CACNA1C: variants seen among roughly 807,000 people sequenced by gnomAD.
The protein encoded by CACNA1C is voltage-dependent L-type calcium channel subunit alpha-1C.
CACNA1C carries 30 observed loss-of-function variants against 229.0 expected under a neutral mutation model. That is an observed-to-expected ratio of 0.13 (90% CI 0.10 to 0.18). CACNA1C has a LOEUF of 0.18. CACNA1C is among the 10% of genes least tolerant of loss of function. The pLI is 1.00. For synonymous variants in CACNA1C, 1,114 were observed against 1,132.5 expected (o/e 0.98, Z 0.33); for missense variants, 1,658 against 2,845.0 (o/e 0.58, Z 9.49).
At chr12:2,358,189 G>T (rs889176893) in intron 3 of CACNA1C, among the ~76,000 whole-genome samples, 1 of 151,592 alleles carries the variant, frequency 6.6e-6, no homozygotes, top group Non-Finnish European at 1.5e-5. Context: ...GCCGTTCTCC[G>T]GGAGGGTGTG....
intron 3 of CACNA1C, among the ~76,000 whole-genome samples, chr12:2,308,310 C>T (rs1227804717): frequency 6.6e-6 from 1 of 152,086 alleles, no homozygotes; most frequent in African/African-American, 2.4e-5. Context: ...ATATTAACCC[C>T]TTATCAGATA....
At chr12:2,154,405 T>C (rs1386483373) in intron 3 of CACNA1C, among the ~76,000 whole-genome samples, 2 of 152,216 alleles carry the variant, frequency 1.3e-5, no homozygotes, top group Non-Finnish European at 2.9e-5. Flanking sequence ...ACACACGGAA[T>C]CTTCCTGCTC....
chr12:2,116,956 A>G (rs979993976), intron 2 of CACNA1C, among the ~76,000 whole-genome samples: 11 of 152,352 alleles, frequency 7.2e-5, no homozygotes, highest in South Asian at 4.1e-4. Flanking sequence ...GAAAGTTTCT[A>G]TTGAGACAGA....
At chr12:2,085,054 G>A (rs191008255) in intron 1 of CACNA1C, among the ~76,000 whole-genome samples, 348 of 152,260 alleles carry the variant, frequency 2.3e-3, no homozygotes, top group African/African-American at 7.7e-3. Context: ...TGTTCAAAAG[G>A]CTAGAGCCAA....
At chr12:2,650,859 C>T (rs1165258436) in intron 31 of CACNA1C, among the ~76,000 whole-genome samples, 1 of 152,134 alleles carries the variant, frequency 6.6e-6, no homozygotes. Flanking sequence ...GGAGGCCTCC[C>T]CTCCCTTACG....
At chr12:2,162,191 A>G (rs1215795616) in intron 3 of CACNA1C, among the ~76,000 whole-genome samples, 1 of 152,060 alleles carries the variant, frequency 6.6e-6, no homozygotes, top group African/African-American at 2.4e-5. Flanking sequence ...CTCCCAAAGC[A>G]CAATATCCAA....
intron 8 of CACNA1C, among the ~76,000 whole-genome samples, chr12:2,507,267 C>G (rs746014572): frequency 6.6e-6 from 1 of 152,140 alleles, no homozygotes; most frequent in Non-Finnish European, 1.5e-5. Flanking sequence ...GCTTCCTTGG[C>G]CAAAGGTCTG....
rs143465339 is a variant in CACNA1C, at chr12:2,080,007, T to A, written c.49+26396T>A. 3.0e-3 allele frequency among the ~76,000 whole-genome samples: 452 copies of A among 152,336 alleles called. 2 individuals carry two copies. Among genetic ancestry groups the A allele is most frequent in the African/African-American group, 0.01 (428 of 41,570 alleles). On this transcript the variant is annotated intron_variant, in intron 1 of 46. Transcript: ENST00000399655. ...TGGGTGTGGTGGCTCACACCTGTAA[T>A]CCCAACACTTTGGGAGGCTGAGGCG...
At chr12:2,507,666 T>C (rs2099774747) in intron 8 of CACNA1C, among the ~76,000 whole-genome samples, 1 of 152,238 alleles carries the variant, frequency 6.6e-6, no homozygotes, top group Non-Finnish European at 1.5e-5. Flanking sequence ...GCGTGTTCGC[T>C]AGATTCGCTC....
At position 2,493,793 on chromosome 12, in the gene CACNA1C, G is replaced by A. The variant is rs554515348; in HGVS notation, c.1113+407G>A. On this transcript the variant is annotated intron_variant, in intron 7 of 46. Transcript: ENST00000399655. The surrounding 1 kb of genome is among the most constrained non-coding windows in gnomAD (Gnocchi z 4.6). ...GAAGGCAGAATTATGTATTCTTAGGGCAGAAGAGAAGAAGTCCTGATCTTC... is the reference window on the plus strand; with the variant it reads ...GAAGGCAGAATTATGTATTCTTAGGACAGAAGAGAAGAAGTCCTGATCTTC... 6.6e-6 allele frequency among the ~76,000 whole-genome samples: 1 copy of A among 152,292 alleles called. No individual in the cohort carries two copies. The highest frequency in any genetic ancestry group is 2.1e-4 in the South Asian group (1 of 4,828).
intron 1 of CACNA1C, among the ~76,000 whole-genome samples, chr12:2,088,921 T>G (rs1464772037): frequency 6.6e-6 from 1 of 152,190 alleles, no homozygotes; most frequent in African/African-American, 2.4e-5. Context: ...GGCACTTGCT[T>G]GCCGTTGATA....
At chr12:2,068,700 G>A (rs762729539) in intron 1 of CACNA1C, among the ~76,000 whole-genome samples, 6 of 152,112 alleles carry the variant, frequency 3.9e-5, no homozygotes, top group East Asian at 1.9e-4. Context: ...GTGTTATGAC[G>A]GCCCTCGTGG....
intron 3 of CACNA1C, among the ~76,000 whole-genome samples, chr12:2,226,914 A>C (rs2063174230): frequency 6.6e-6 from 1 of 152,260 alleles, no homozygotes; most frequent in Non-Finnish European, 1.5e-5. Context: ...AAAGGGATGC[A>C]TCTGAATCCC....
In CACNA1C at chr12:2,348,098, C is replaced by T. The variant is rs2097100451; in HGVS notation, c.478-100878C>T. 6.6e-6 allele frequency among the ~76,000 whole-genome samples: 1 copy of T among 152,208 alleles called. No homozygotes were observed. Among genetic ancestry groups the T allele is most frequent in the African/African-American group, 2.4e-5 (1 of 41,456 alleles). ...TGCAGTGAGGTGACTGTGCGGCAGG[C>T]CCACTCTCAACTCGAGGGGAGCCCC... On this transcript the variant is annotated intron_variant, in intron 3 of 46. Transcript: ENST00000399655. This position sits in a 1 kb window ranked among gnomAD's most constrained non-coding sequence, Gnocchi z 4.7.
chr12:2,562,421 C>T (rs1379314317), intron 11 of CACNA1C, among the ~76,000 whole-genome samples: 1 of 152,192 alleles, frequency 6.6e-6, no homozygotes. Context: ...ACTTCACTGT[C>T]AGCTCTTTAA....
At chr12:2,638,671 G>A (rs115247545) in intron 30 of CACNA1C, among the ~76,000 whole-genome samples, 51 of 152,296 alleles carry the variant, frequency 3.3e-4, no homozygotes, top group African/African-American at 1.2e-3. Flanking sequence ...TGGCCAGCCC[G>A]TCACTCTGTT....
intron 3 of CACNA1C, among the ~76,000 whole-genome samples, chr12:2,187,944 C>A (rs1445358488): frequency 1.3e-5 from 2 of 152,226 alleles, no homozygotes; most frequent in Non-Finnish European, 2.9e-5. Context: ...GGCACCTTGG[C>A]CCCTGCTGTG....
chr12:2,673,803 G>A (rs1373645272), intron 38 of CACNA1C, among the ~76,000 whole-genome samples: 1 of 152,186 alleles, frequency 6.6e-6, no homozygotes, highest in Non-Finnish European at 1.5e-5. Context: ...GGTCAGGCCT[G>A]CCTAACCTCC....
chr12:2,449,167 T>C, intron 4 of CACNA1C, 52 bp downstream of exon 4: 1 of 1,395,782 alleles, frequency 7.2e-7, no homozygotes, highest in South Asian at 1.6e-5. Context: ...GTTGCGGGAC[T>C]TTTCCTTAAG....
Sources: allele counts gnomAD v4.1 joint callset (sites outside exome capture counted in the v4.1 genomes callset), GRCh38; gene constraint gnomAD v4.1.1; non-coding constraint Gnocchi (gnomAD v3.1); transcripts MANE v1.5; gene names NCBI Gene and HGNC (gene_info 2026-07-23, HGNC 2026-07-21).